Variants in PCDH15 observed in about 807,000 individuals in gnomAD.
PCDH15 encodes protocadherin-15.
In PCDH15, 129 loss-of-function variants were observed where a neutral mutation model predicts 178.5. That is an observed-to-expected ratio of 0.72 (90% confidence interval 0.63 to 0.84). PCDH15 has a LOEUF of 0.84. Among genes scored for constraint, PCDH15 ranks in the 40% least tolerant of loss-of-function variants. The pLI is 0.00. For synonymous variants in PCDH15, 800 were observed against 732.0 expected, an observed-to-expected ratio of 1.09 and a Z score of -1.50; for missense variants, 2,230 against 2,099.9, an observed-to-expected ratio of 1.06 and a Z score of -1.21.
At chr10:55,462,071 T>C (rs1270058922) in intron 2 of PCDH15, among the ~76,000 whole-genome samples, 1 of 152,076 alleles carries the variant, frequency 6.6e-6, no homozygotes, top group Non-Finnish European at 1.5e-5. Context: ...TAAATAGATA[T>C]TAGTTTACCT....
chr10:55,506,484 G>C (rs536915975), intron 2 of PCDH15, among the ~76,000 whole-genome samples: 1 of 151,546 alleles, frequency 6.6e-6, no homozygotes, highest in Non-Finnish European at 1.5e-5. Flanking sequence ...AGCTATGTGA[G>C]TAGAGAGCTA....
chr10:55,510,668 A>T lies in PCDH15; in HGVS notation c.-156+116957T>A, dbSNP rs148976097. Among the ~76,000 whole-genome samples, 1,076 of 152,000 alleles carry T rather than the reference A, an allele frequency of 7.1e-3. 15 individuals are homozygous for T. The highest frequency in any genetic ancestry group is 0.025 in the African/African-American group (1,023 of 41,514). ...TGTAAAAAACTGTTTAAAATTCAAA[A>T]GTAAAAATAACAGAGAATAGTGGAA... On this transcript the variant is annotated intron_variant, in intron 2 of 5. Coordinates refer to the PCDH15 transcript ENST00000613346.
intron 2 of PCDH15, among the ~76,000 whole-genome samples, chr10:55,609,956 A>G (rs1843330610): frequency 6.6e-6 from 1 of 152,174 alleles, no homozygotes; most frequent in South Asian, 2.1e-4. Context: ...CTGTCATAAT[A>G]AGGAGAAAAA....
intron 2 of PCDH15, among the ~76,000 whole-genome samples, chr10:54,625,177 A>G (rs940144837): frequency 1.3e-5 from 2 of 152,150 alleles, no homozygotes; most frequent in Non-Finnish European, 2.9e-5. Context: ...ACTTACAGAA[A>G]TAAAGTCCCT....
chr10:53,855,028 T>A (rs567451927), intron 28 of PCDH15, among the ~76,000 whole-genome samples: 3 of 152,150 alleles, frequency 2.0e-5, no homozygotes, highest in Admixed American at 2.0e-4. Flanking sequence ...TGCTATTTTC[T>A]TTTTCAGTTT....
intron 3 of PCDH15, among the ~76,000 whole-genome samples, chr10:54,512,369 G>GTC (rs145869424): frequency 3.1e-4 from 33 of 106,446 alleles, no homozygotes; most frequent in African/African-American, 1.1e-3. Flanking sequence ...TTGTGTGTGT[G>GTC]TGTGTGTGTG....
At chr10:54,979,584 G>A (rs1484965427) in intron 2 of PCDH15, among the ~76,000 whole-genome samples, 2 of 145,162 alleles carry the variant, frequency 1.4e-5, no homozygotes, top group African/African-American at 5.0e-5. Flanking sequence ...CAGGAGAATC[G>A]TTTGAACCCA....
intron 1 of PCDH15, among the ~76,000 whole-genome samples, chr10:55,167,344 G>A (rs1180193593): frequency 6.6e-6 from 1 of 151,942 alleles, no homozygotes; most frequent in African/African-American, 2.4e-5. Flanking sequence ...TCAAACTTCT[G>A]GGCTCAAGTG....
chr10:54,877,831 G>A (rs1159355622), intron 3 of PCDH15, among the ~76,000 whole-genome samples: 1 of 150,754 alleles, frequency 6.6e-6, no homozygotes, highest in Non-Finnish European at 1.5e-5. Context: ...AATTTTCTAA[G>A]CATTATATAA....
chr10:54,188,022 G>A (rs1182894478), intron 11 of PCDH15, among the ~76,000 whole-genome samples: 1 of 151,708 alleles, frequency 6.6e-6, no homozygotes, highest in Admixed American at 6.6e-5. Flanking sequence ...AACATAAAAT[G>A]TTAATAGATA....
At chr10:55,261,721 T>C (rs1469280032) in intron 1 of PCDH15, among the ~76,000 whole-genome samples, 1 of 152,320 alleles carries the variant, frequency 6.6e-6, no homozygotes, top group East Asian at 1.9e-4. Context: ...TTGAAACCTC[T>C]ATTCCCGAAA....
chr10:54,756,852 T>A (rs1947201060), intron 1 of PCDH15, among the ~76,000 whole-genome samples: 1 of 152,228 alleles, frequency 6.6e-6, no homozygotes. Flanking sequence ...GCACTTTAAC[T>A]GTCTTTGAGT....
intron 21 of PCDH15, among the ~76,000 whole-genome samples, chr10:53,989,307 A>G (rs1033188404): frequency 6.6e-6 from 1 of 152,164 alleles, no homozygotes; most frequent in Non-Finnish European, 1.5e-5. Context: ...AATTTTACGC[A>G]CATTTCCATT....
At chr10:55,171,617 AT>A in intron 1 of PCDH15, among the ~76,000 whole-genome samples, 1 of 152,136 alleles carries the variant, frequency 6.6e-6, no homozygotes, top group Non-Finnish European at 1.5e-5. Flanking sequence ...GCTATTTGGC[AT>A]TTGACCAAGT....
intron 1 of PCDH15, among the ~76,000 whole-genome samples, chr10:54,789,042 T>C (rs1236720246): frequency 6.6e-6 from 1 of 151,882 alleles, no homozygotes; most frequent in Admixed American, 6.6e-5. Flanking sequence ...ACATTGAATG[T>C]CTCAGGAATT....
At chr10:53,816,192 T>C in intron 35 of PCDH15, 47 bp downstream of exon 35, 1 of 398,670 alleles carries the variant, frequency 2.5e-6, no homozygotes, top group Non-Finnish European at 4.4e-6. Context: ...GATCTTAAAG[T>C]CACAGTGAAG....
In PCDH15 at chr10:54,533,900, A is replaced by G. The variant is rs112305989; in HGVS notation, c.92-6023T>C. Among the ~76,000 whole-genome samples the G allele has an allele frequency of 1.2e-3, 181 of 152,278 alleles. 1 individual carries two copies. Among genetic ancestry groups the G allele is most frequent in the African/African-American group, 4.2e-3 (176 of 41,550 alleles). On this transcript the variant is annotated intron_variant, in intron 2 of 37. Transcript: ENST00000644397. ...TTTCTAATATATTATAGTGGTTGTG[A>G]ACATGTGCTTTGGAGTCACAAAACC... is the stretch of plus-strand genomic sequence containing the variant.
chr10:55,388,562 T>C (rs1188160773), intron 2 of PCDH15, among the ~76,000 whole-genome samples: 3 of 152,086 alleles, frequency 2.0e-5, no homozygotes, highest in Non-Finnish European at 2.9e-5. Context: ...TTTTGCTGGG[T>C]TAATAATGAG....
intron 2 of PCDH15, among the ~76,000 whole-genome samples, chr10:55,460,040 C>G (rs1055200336): frequency 2.0e-5 from 3 of 151,800 alleles, no homozygotes; most frequent in East Asian, 1.9e-4. Flanking sequence ...AGAACAGAAC[C>G]CCACAGAACA....
Sources: allele counts gnomAD v4.1 joint callset (sites outside exome capture counted in the v4.1 genomes callset), GRCh38; gene constraint gnomAD v4.1.1; transcripts MANE v1.5; gene names NCBI Gene and HGNC (gene_info 2026-07-23, HGNC 2026-07-21).